Variants in ZCCHC10 observed in about 807,000 individuals in gnomAD.
The protein encoded by ZCCHC10 is zinc finger CCHC-type containing 10.
Under a neutral mutation model 19.5 loss-of-function variants are expected in ZCCHC10, and 16 were observed. That is an observed-to-expected ratio of 0.82 (90% confidence interval 0.56 to 1.25). The LOEUF is 1.25. Ranked by LOEUF, ZCCHC10 falls within the 50% of genes most tolerant of loss-of-function variation. The pLI is 0.00. For missense variants in ZCCHC10, 197 were observed against 201.0 expected, an observed-to-expected ratio of 0.98 and a Z score of 0.12; for synonymous variants, 67 against 72.5, an observed-to-expected ratio of 0.92 and a Z score of 0.38.
At position 133,002,758 on chromosome 5, in the gene ZCCHC10, C is replaced by A. The variant is rs114344566; in HGVS notation, c.270-2585G>T. On this transcript the variant is annotated intron_variant, in intron 3 of 4. Transcript: ENST00000509437. ...TTTTTGAGGTGGAGGCTCGTTCTGT[C>A]GCCCAGGTGGGAGTGCTGTTGCATG... Among the ~76,000 whole-genome samples the A allele has an allele frequency of 3.0e-3, 449 of 151,880 alleles. 3 individuals carry two copies. The highest frequency in any genetic ancestry group is 0.01 in the African/African-American group (434 of 41,380).
At chr5:133,019,533 T>G (rs1764155577) in intron 2 of ZCCHC10, among the ~76,000 whole-genome samples, 1 of 152,158 alleles carries the variant, frequency 6.6e-6, no homozygotes, top group South Asian at 2.1e-4. Flanking sequence ...GGCAAAGTTG[T>G]TTTTTTAATG....
Position 133,006,990 on chromosome 5 carries a change from A to C in ZCCHC10, c.108-70T>G, listed in dbSNP as rs1331134109. The C allele has an allele frequency of 2.1e-6, 3 of 1,397,028 alleles. No individual in the cohort carries two copies. In the African/African-American group the frequency reaches 4.4e-5, roughly 20 times the overall value. 86.5% of individuals were successfully genotyped at this position (1,397,028 alleles called of 1,614,324 possible). A position where few individuals can be genotyped will look rare whatever the true frequency, so the allele number is the denominator to read the frequency against. On this transcript the variant is annotated intron_variant, in intron 2 of 4. Coordinates refer to ENST00000509437, the MANE Select transcript of ZCCHC10 (RefSeq NM_001300816.3). ...TGACTTTCACCCTAAAAACTATAAA[A>C]AAATATAAAGGATAAAATTATGTTT...
intron 2 of ZCCHC10, among the ~76,000 whole-genome samples, chr5:133,008,398 C>T (rs1157949649): frequency 6.7e-5 from 10 of 149,996 alleles, no homozygotes; most frequent in Non-Finnish European, 1.5e-4. Context: ...ATTAGCTGGG[C>T]GTGGTGGTGG....
intron 2 of ZCCHC10, among the ~76,000 whole-genome samples, chr5:133,012,944 A>G (rs904249647): frequency 6.7e-4 from 101 of 151,342 alleles, no homozygotes; most frequent in African/African-American, 2.4e-3. Flanking sequence ...CCAGCTACTC[A>G]GGAGGCTGAG....
At chr5:133,025,846 T>C (rs1316666370) in intron 1 of ZCCHC10, among the ~76,000 whole-genome samples, 1 of 152,196 alleles carries the variant, frequency 6.6e-6, no homozygotes, top group African/African-American at 2.4e-5. Context: ...TCACCAGCTG[T>C]ATTTACAATT....
chr5:133,002,289 A>G (rs1381713876), intron 3 of ZCCHC10, among the ~76,000 whole-genome samples: 6 of 152,068 alleles, frequency 3.9e-5, no homozygotes, highest in Admixed American at 3.9e-4. Flanking sequence ...AGCCAGATTC[A>G]TGTAATTATA....
rs1305369676 is a variant in ZCCHC10, at chr5:132,997,217, G to A, written c.*1366C>T. On this transcript the variant is annotated 3_prime_UTR_variant, in exon 5 of 5. Transcript: ENST00000509437. Reference sequence around the variant, plus strand: ...AATTTATTTACAACCATTGAACACAGATGGTTTTGTAAAACTGACAATTAC... The same window carrying A: ...AATTTATTTACAACCATTGAACACAAATGGTTTTGTAAAACTGACAATTAC... 1 of 152,166 alleles carries A rather than the reference G, an allele frequency of 6.6e-6. No individual in the cohort carries two copies. Among genetic ancestry groups the A allele is most frequent in the African/African-American group, 2.4e-5 (1 of 41,458 alleles). 9.4% of individuals were successfully genotyped at this position (152,166 alleles called of 1,614,324 possible).
Position 132,997,262 on chromosome 5 carries a change from C to T in ZCCHC10, c.*1321G>A, listed in dbSNP as rs1490108202. 2.0e-5 allele frequency: 3 copies of T among 152,184 alleles called. No individual in the cohort carries two copies. The East Asian group carries it at 5.8e-4, about 29-fold the overall frequency. 9.4% of individuals were successfully genotyped at this position (152,184 alleles called of 1,614,324 possible). A position where few individuals can be genotyped will look rare whatever the true frequency, so the allele number is the denominator to read the frequency against. Reference sequence around the variant, plus strand: ...AATTACAGGCTCCTTAAACTCACAACATACATATATTTCAATATTTAAATA... The same window carrying T: ...AATTACAGGCTCCTTAAACTCACAATATACATATATTTCAATATTTAAATA... On this transcript the variant is annotated 3_prime_UTR_variant, in exon 5 of 5. Transcript: ENST00000509437.
intron 2 of ZCCHC10, among the ~76,000 whole-genome samples, chr5:133,021,077 T>C (rs1220133263): frequency 6.6e-6 from 1 of 152,192 alleles, no homozygotes; most frequent in African/African-American, 2.4e-5. Context: ...TTTGTATTTT[T>C]AGTAGAGATG....
At chr5:133,000,329 G>A in intron 3 of ZCCHC10, 156 bp from the exon 4 acceptor site, 1 of 801,760 alleles carries the variant, frequency 1.2e-6, no homozygotes, top group African/African-American at 1.8e-5. Context: ...ATAAGCAAGT[G>A]GAAAGTCTGC....
At chr5:133,009,392 C>A (rs1007922849) in intron 2 of ZCCHC10, among the ~76,000 whole-genome samples, 2 of 151,570 alleles carry the variant, frequency 1.3e-5, no homozygotes, top group Non-Finnish European at 2.9e-5. Context: ...CTGAGGTGGG[C>A]GGATTGCTTG....
chr5:133,000,131 CCTTT>C lies in ZCCHC10; in HGVS notation c.308_311del (p.Lys103SerfsTer5). The C allele has an allele frequency of 6.2e-7, 1 of 1,613,790 alleles. No individual in the cohort carries two copies. ...TAAAACACTGCTAAAACCACACATA[CCTTT>C]TTTTCTTGGCCTTTCTTTCTACATT... On this transcript the variant is annotated frameshift_variant and splice_region_variant, in exon 4 of 5. Coordinates refer to ENST00000509437, the MANE Select transcript of ZCCHC10 (RefSeq NM_001300816.3). LOFTEE classifies it high-confidence loss of function.
chr5:132,999,308 T>C (rs931529703), intron 4 of ZCCHC10, among the ~76,000 whole-genome samples: 2 of 152,222 alleles, frequency 1.3e-5, no homozygotes, highest in African/African-American at 2.4e-5. Context: ...ATTTTGGAGA[T>C]TGCCTGTTGT....
intron 2 of ZCCHC10, among the ~76,000 whole-genome samples, chr5:133,009,387 G>A (rs1383692189): frequency 1.3e-5 from 2 of 151,920 alleles, no homozygotes; most frequent in Admixed American, 6.6e-5. Context: ...TGGGGCTGAG[G>A]TGGGCGGATT....
At position 132,998,722 on chromosome 5, in the gene ZCCHC10, C is replaced by T. The variant is rs761751313; in HGVS notation, c.440G>A (p.Ser147Asn). 3.7e-6 allele frequency: 6 copies of T among 1,614,074 alleles called. No homozygotes were observed. In the East Asian group the frequency reaches 8.9e-5, roughly 24 times the overall value. ...EDSDTDESSS[S>N]SSSSASSTTS... Reference sequence around the variant, plus strand: ...TGTGGAGGAGGCTGAGGATGAGGAACTAGAGGAGCTTTCATCAGTGTCACT... The same window carrying T: ...TGTGGAGGAGGCTGAGGATGAGGAATTAGAGGAGCTTTCATCAGTGTCACT... The change falls in exon 5 of 5, where the codon AGT becomes AAT. Residue 147 changes from serine (S) to asparagine (N), a missense_variant. Coordinates refer to ENST00000509437, the MANE Select transcript of ZCCHC10 (RefSeq NM_001300816.3).
At chr5:133,011,620 C>A (rs1763531434) in intron 2 of ZCCHC10, among the ~76,000 whole-genome samples, 4 of 96,108 alleles carry the variant, frequency 4.2e-5, no homozygotes, top group African/African-American at 9.5e-5. Context: ...AGTGAGACTC[C>A]ATCTAAAAAA....
chr5:133,020,693 C>T (rs897285724), intron 2 of ZCCHC10, among the ~76,000 whole-genome samples: 4 of 149,396 alleles, frequency 2.7e-5, no homozygotes, highest in African/African-American at 9.8e-5. Flanking sequence ...GATCATTAGA[C>T]ACAAGACTAC....
rs1762486761 is a variant in ZCCHC10, at chr5:132,997,161, C to CTGT, written c.*1419_*1421dup. On this transcript the variant is annotated 3_prime_UTR_variant, in exon 5 of 5. Transcript: ENST00000509437. ...ACTCTATCTGTCAAGTGATAATATTCTGTAGGCAGCCTTTGAAATGATGTT... is the reference window on the plus strand; with the variant it reads ...ACTCTATCTGTCAAGTGATAATATTCTGTTGTAGGCAGCCTTTGAAATGATGTT... The CTGT allele has an allele frequency of 6.6e-6, 1 of 152,158 alleles. No homozygotes were observed. Among genetic ancestry groups the CTGT allele is most frequent in the African/African-American group, 2.4e-5 (1 of 41,444 alleles). 9.4% of individuals were successfully genotyped at this position (152,158 alleles called of 1,614,324 possible).
intron 2 of ZCCHC10, among the ~76,000 whole-genome samples, chr5:133,007,612 G>A (rs748042953): frequency 3.3e-5 from 5 of 151,388 alleles, no homozygotes; most frequent in South Asian, 2.1e-4. Context: ...TCTTGCTGCC[G>A]TCCATGTAAG....
Sources: gnomAD v4.1 joint callset for allele counts (sites outside exome capture counted in the v4.1 genomes callset) on GRCh38, gnomAD v4.1.1 for gene constraint, MANE v1.5 for transcripts, NCBI Gene and HGNC (gene_info 2026-07-23, HGNC 2026-07-21) for gene names.